The following GRM8 variants were observed in gnomAD, a reference collection of about 807,000 sequenced individuals.
The protein encoded by GRM8 is metabotropic glutamate receptor 8.
A neutral mutation model predicts 87.2 loss-of-function variants in GRM8; 47 were observed. That is an observed-to-expected ratio of 0.54 (90% CI 0.43 to 0.69). The LOEUF (loss-of-function observed/expected upper bound fraction) is 0.69, where lower values mean the gene tolerates loss of function less well. Among genes scored for constraint, GRM8 ranks in the 30% least tolerant of loss-of-function variants. The pLI is 0.00. For synonymous variants in GRM8, 396 were observed against 404.5 expected (o/e 0.98, Z 0.25); for missense variants, 1,019 against 1,139.2 (o/e 0.89, Z 1.52).
chr7:126,542,558 A>C (rs1039352604), intron 8 of GRM8, among the ~76,000 whole-genome samples: 1 of 152,182 alleles, frequency 6.6e-6, no homozygotes, highest in Non-Finnish European at 1.5e-5. Context: ...AAAGAAAGGC[A>C]TTTCAGGTTG....
chr7:126,712,459 A>G (rs1191035287), intron 7 of GRM8, among the ~76,000 whole-genome samples: 1 of 152,236 alleles, frequency 6.6e-6, no homozygotes, highest in Non-Finnish European at 1.5e-5. Flanking sequence ...AAGTAAACAC[A>G]TGATGTTGGA....
At chr7:127,161,810 A>C (rs1333432117) in intron 2 of GRM8, among the ~76,000 whole-genome samples, 1 of 152,184 alleles carries the variant, frequency 6.6e-6, no homozygotes, top group Non-Finnish European at 1.5e-5. Flanking sequence ...AAAGATTTAA[A>C]GGGTGCATCA....
At chr7:126,564,191 G>A (rs1228229047) in intron 8 of GRM8, among the ~76,000 whole-genome samples, 1 of 152,184 alleles carries the variant, frequency 6.6e-6, no homozygotes, top group Non-Finnish European at 1.5e-5. Flanking sequence ...CCTAGCAAAA[G>A]TGTTTTAATT....
At position 126,665,241 on chromosome 7, in the gene GRM8, C is replaced by T. The variant is rs115246072; in HGVS notation, c.1358-55743G>A. Among the ~76,000 whole-genome samples, 321 of 152,268 alleles carry T rather than the reference C, an allele frequency of 2.1e-3. 1 individual carries two copies. The highest frequency in any genetic ancestry group is 0.01 in the Middle Eastern group (3 of 294). ...AGAGCTACCAATCAACCCAGAAATTCCATTACTGGGCAGATACCAAAGGAA... is the reference window on the plus strand; with the variant it reads ...AGAGCTACCAATCAACCCAGAAATTTCATTACTGGGCAGATACCAAAGGAA... On this transcript the variant is annotated intron_variant, in intron 7 of 10. Coordinates refer to ENST00000339582, the MANE Select transcript of GRM8 (RefSeq NM_000845.3).
At chr7:126,677,507 A>G (rs1807102767) in intron 7 of GRM8, among the ~76,000 whole-genome samples, 1 of 152,212 alleles carries the variant, frequency 6.6e-6, no homozygotes, top group Non-Finnish European at 1.5e-5. Flanking sequence ...TACACCATGG[A>G]ATACTACTCA....
chr7:126,448,188 G>T (rs929986043), intron 9 of GRM8, among the ~76,000 whole-genome samples: 1 of 151,852 alleles, frequency 6.6e-6, no homozygotes, highest in Non-Finnish European at 1.5e-5. Flanking sequence ...ACCCATACAT[G>T]TTCCAATGCC....
intron 3 of GRM8, chr7:127,084,146 G>A (rs1823190656): frequency 6.6e-6 from 1 of 152,204 alleles, no homozygotes; most frequent in Admixed American, 6.5e-5. Context: ...ATAGCAAGTA[G>A]GTCTACTTTT....
intron 7 of GRM8, among the ~76,000 whole-genome samples, chr7:126,660,980 T>C (rs1805100350): frequency 6.6e-6 from 1 of 152,040 alleles, no homozygotes; most frequent in African/African-American, 2.4e-5. Context: ...AGATAGAGAA[T>C]AGAAGGTTAC....
At chr7:127,014,699 C>G (rs958297287) in intron 3 of GRM8, among the ~76,000 whole-genome samples, 7 of 151,930 alleles carry the variant, frequency 4.6e-5, no homozygotes, top group Admixed American at 3.9e-4. Flanking sequence ...CAAAATTTGG[C>G]TTAAAATTCT....
chr7:126,994,103 A>T (rs1204483333), intron 3 of GRM8, among the ~76,000 whole-genome samples: 1 of 152,178 alleles, frequency 6.6e-6, no homozygotes, highest in Non-Finnish European at 1.5e-5. Context: ...AGGAGAGGAG[A>T]CAGAAGAGCA....
At chr7:126,912,312 G>T (rs1218446381) in intron 3 of GRM8, among the ~76,000 whole-genome samples, 3 of 152,142 alleles carry the variant, frequency 2.0e-5, no homozygotes, top group African/African-American at 7.2e-5. Context: ...GATCATTGAG[G>T]GCCTAAATGG....
chr7:126,510,148 AT>A, intron 9 of GRM8, among the ~76,000 whole-genome samples: 1 of 152,172 alleles, frequency 6.6e-6, no homozygotes, highest in East Asian at 2.0e-4. Context: ...ATAGCTGCAC[AT>A]TTCTTTTGGC....
rs1802727505 is a variant in GRM8 at position 126,452,443 on chromosome 7, A to AAAG, written c.2431-6074_2431-6072dup. On this transcript the variant is annotated intron_variant, in intron 9 of 10. Coordinates refer to ENST00000339582, the MANE Select transcript of GRM8 (RefSeq NM_000845.3). The stretch of plus-strand genomic sequence containing the variant: ...AAACTTAAAGTATAATAAAAAAAAA[A>AAAG]AAGGAAAGAAAACTGTTTGGATAAC... 2.0e-5 allele frequency among the ~76,000 whole-genome samples: 3 copies of AAAG among 151,512 alleles called. No individual in the cohort carries two copies. The South Asian group carries it at 6.2e-4, about 32-fold the overall frequency.
At chr7:126,823,141 A>C (rs1307504989) in intron 6 of GRM8, among the ~76,000 whole-genome samples, 3 of 152,246 alleles carry the variant, frequency 2.0e-5, no homozygotes, top group Non-Finnish European at 2.9e-5. Flanking sequence ...TTATTAATGC[A>C]GTCTAAGCCT....
rs1447618114 is a variant in GRM8, at chr7:127,252,224, G to A, written c.-312+573C>T. 6.6e-6 allele frequency: 1 copy of A among 152,144 alleles called. No individual in the cohort carries two copies. The highest frequency in any genetic ancestry group is 6.5e-5 in the Admixed American group (1 of 15,274). The allele number at this position is 152,144 out of a possible 1,614,324, so 9.4% of individuals were successfully genotyped here. ...CCGAGGCAGAGCGCTTTAAAATCCT[G>A]CCGCCGCACGCCCAGTCAGAGCGCC... On this transcript the variant is annotated intron_variant, in intron 1 of 10. Coordinates refer to ENST00000339582, the MANE Select transcript of GRM8 (RefSeq NM_000845.3). The surrounding 1 kb of genome is among the most constrained non-coding windows in gnomAD (Gnocchi z 4.9).
Position 127,018,565 on chromosome 7 carries a change from A to G in GRM8, c.727+87931T>C, listed in dbSNP as rs138454049. Among the ~76,000 whole-genome samples the G allele has an allele frequency of 1.5e-3, 223 of 152,130 alleles. 1 individual carries two copies. The highest frequency in any genetic ancestry group is 0.01 in the East Asian group (54 of 5,152). ...ACATTCACCAGTTCTACCTACTAAC[A>G]GAACCCCACATTTTTTAAGGTAGCA... On this transcript the variant is annotated intron_variant, in intron 3 of 10. Coordinates refer to ENST00000339582, the MANE Select transcript of GRM8 (RefSeq NM_000845.3).
At chr7:126,565,830 A>G (rs961572546) in intron 8 of GRM8, among the ~76,000 whole-genome samples, 1 of 152,192 alleles carries the variant, frequency 6.6e-6, no homozygotes, top group Non-Finnish European at 1.5e-5. Context: ...ACTGGTATAA[A>G]TACAGACATA....
intron 3 of GRM8, among the ~76,000 whole-genome samples, chr7:126,980,322 G>A (rs1459056027): frequency 6.6e-6 from 1 of 152,160 alleles, no homozygotes; most frequent in Non-Finnish European, 1.5e-5. Flanking sequence ...TAATGGAAAT[G>A]ATTCTTTCAG....
At chr7:127,060,532 A>G (rs1820502928) in intron 3 of GRM8, among the ~76,000 whole-genome samples, 1 of 152,184 alleles carries the variant, frequency 6.6e-6, no homozygotes, top group Non-Finnish European at 1.5e-5. Flanking sequence ...AATTTGCTTG[A>G]ATAAGTGATA....
Sources: gnomAD v4.1 joint callset for allele counts (sites outside exome capture counted in the v4.1 genomes callset) on GRCh38, gnomAD v4.1.1 for gene constraint, Gnocchi (gnomAD v3.1) non-coding constraint, MANE v1.5 for transcripts, NCBI Gene and HGNC (gene_info 2026-07-23, HGNC 2026-07-21) for gene names.